ASCC3: variants seen among roughly 807,000 people sequenced by gnomAD.
The protein encoded by ASCC3 is activating signal cointegrator 1 complex subunit 3.
A neutral mutation model predicts 256.3 loss-of-function variants in ASCC3; 158 were observed. That is an observed-to-expected ratio of 0.62 (90% CI 0.54 to 0.70). The LOEUF (loss-of-function observed/expected upper bound fraction) is 0.70. ASCC3 is among the 30% of genes least tolerant of loss of function. The pLI is 0.00. For missense variants in ASCC3, 2,259 were observed against 2,626.0 expected (o/e 0.86, Z 3.05); for synonymous variants, 948 against 883.4 (o/e 1.07, Z -1.30).
chr6:100,669,210 T>G (rs114861821), intron 14 of ASCC3, among the ~76,000 whole-genome samples: 2 of 149,880 alleles, frequency 1.3e-5, no homozygotes, highest in African/African-American at 4.8e-5. Flanking sequence ...TTATATTACA[T>G]ATTTTCTAAA....
rs575392085 is a variant in ASCC3, at chr6:100,638,855, T to C, written c.3902-34A>G. The C allele has an allele frequency of 5.9e-6, 9 of 1,518,084 alleles. No individual in the cohort carries two copies. In the African/African-American group the frequency reaches 6.8e-5, roughly 12 times the overall value. The allele number at this position is 1,518,084 out of a possible 1,614,324, so 94.0% of individuals were successfully genotyped here. A position where few individuals can be genotyped will look rare whatever the true frequency, so the allele number is the denominator to read the frequency against. ...ACCCAACAGGATGGCTATACGACAA[T>C]TGAAAAACACGCATAATACTGAATA... On this transcript the variant is annotated intron_variant, in intron 24 of 41. Transcript: ENST00000369162.
At chr6:100,790,582 G>A (rs912023199) in intron 8 of ASCC3, among the ~76,000 whole-genome samples, 3 of 151,844 alleles carry the variant, frequency 2.0e-5, no homozygotes, top group African/African-American at 7.2e-5. Flanking sequence ...TGAAAGACAT[G>A]GACTAAATCC....
Position 100,642,625 on chromosome 6 carries a change from T to C in ASCC3, c.3857A>G (p.Asn1286Ser), listed in dbSNP as rs764453073. ...CTCTGGTAGAATTAGATGTTGAAAG[T>C]TGATAATACATACTGCCTCAGCACC... ...WLGAEAVCII[N>S]FQHLILPERH... Residue 1286 changes from asparagine (N) to serine (S), a missense_variant, in exon 24 of 42, where the codon AAC (asparagine) becomes AGC (serine). Coordinates refer to ENST00000369162, the MANE Select transcript of ASCC3 (RefSeq NM_006828.4). 2 of 1,613,970 alleles carry C rather than the reference T, an allele frequency of 1.2e-6. No homozygotes were observed. The highest frequency in any genetic ancestry group is 1.7e-6 in the Non-Finnish European group (2 of 1,179,908).
At position 100,701,782 on chromosome 6, in the gene ASCC3, C is replaced by A. The variant is rs547624695; in HGVS notation, c.2151+13680G>T. On this transcript the variant is annotated intron_variant, in intron 13 of 41. Coordinates refer to ENST00000369162, the MANE Select transcript of ASCC3 (RefSeq NM_006828.4). ...CAGGGATGTTTAAAAAAAAGGGTTT[C>A]TCTGAGAAAGATGAAGTCTGAAGAA... Among the ~76,000 whole-genome samples, 6 of 152,128 alleles carry A rather than the reference C, an allele frequency of 3.9e-5. No individual in the cohort carries two copies. In the South Asian group the frequency reaches 1.2e-3, roughly 32 times the overall value.
intron 30 of ASCC3, among the ~76,000 whole-genome samples, chr6:100,608,087 TATCTATATAC>T (rs1773018704): frequency 7.7e-6 from 1 of 130,296 alleles, no homozygotes; most frequent in Admixed American, 8.3e-5. Context: ...TATGTATATA[TATCTATATAC>T]ACATATATAT....
intron 1 of ASCC3, among the ~76,000 whole-genome samples, chr6:100,878,026 T>C (rs886805543): frequency 1.3e-5 from 2 of 152,184 alleles, no homozygotes; most frequent in Non-Finnish European, 2.9e-5. Context: ...GACAGCATGT[T>C]ATGCCAACTT....
At chr6:100,695,638 C>T (rs950375585) in intron 13 of ASCC3, among the ~76,000 whole-genome samples, 4 of 152,198 alleles carry the variant, frequency 2.6e-5, no homozygotes, top group African/African-American at 9.6e-5. Flanking sequence ...ATAGGCCTTC[C>T]TTTCCTTCCT....
intron 10 of ASCC3, among the ~76,000 whole-genome samples, chr6:100,755,377 C>CT (rs1005189106): frequency 3.6e-5 from 5 of 137,134 alleles, no homozygotes; most frequent in African/African-American, 5.3e-5. Context: ...TTTTTTTTTT[C>CT]TTTTTTTGAG....
intron 4 of ASCC3, among the ~76,000 whole-genome samples, 169 bp from the exon 5 acceptor site, chr6:100,806,049 C>A (rs1166801365): frequency 6.6e-6 from 1 of 151,804 alleles, no homozygotes; most frequent in Non-Finnish European, 1.5e-5. Flanking sequence ...TTCACATTGC[C>A]AAGAAGCTTT....
intron 4 of ASCC3, among the ~76,000 whole-genome samples, chr6:100,831,168 T>C (rs946893217): frequency 1.3e-5 from 2 of 151,988 alleles, no homozygotes; most frequent in African/African-American, 2.4e-5. Flanking sequence ...CAATAAAATA[T>C]ATTTTACTTT....
chr6:100,611,925 A>G (rs1230897363), intron 30 of ASCC3, among the ~76,000 whole-genome samples: 1 of 151,836 alleles, frequency 6.6e-6, no homozygotes, highest in Non-Finnish European at 1.5e-5. Flanking sequence ...TCCATAGTTC[A>G]TTTTTGTTCA....
chr6:100,620,502 A>G (rs1304391582), intron 30 of ASCC3, among the ~76,000 whole-genome samples: 1 of 151,894 alleles, frequency 6.6e-6, no homozygotes, highest in South Asian at 2.1e-4. Flanking sequence ...GAACACATAT[A>G]CTCTTCTTAG....
chr6:100,733,160 G>C (rs1389332362), intron 10 of ASCC3, among the ~76,000 whole-genome samples: 1 of 152,126 alleles, frequency 6.6e-6, no homozygotes, highest in Non-Finnish European at 1.5e-5. Flanking sequence ...CTGGCACATA[G>C]CTTCAAATAG....
At chr6:100,798,388 T>C (rs928466927) in intron 8 of ASCC3, among the ~76,000 whole-genome samples, 3 of 152,062 alleles carry the variant, frequency 2.0e-5, no homozygotes, top group African/African-American at 4.8e-5. Flanking sequence ...TATAGGTTGA[T>C]CATTTGATAT....
chr6:100,533,818 TA>T (rs1224173738), intron 37 of ASCC3, among the ~76,000 whole-genome samples: 7 of 152,372 alleles, frequency 4.6e-5, no homozygotes, highest in Non-Finnish European at 1.5e-5. Flanking sequence ...AAATGAAGAT[TA>T]TTTTTTAATT....
At chr6:100,746,598 C>G in intron 10 of ASCC3, among the ~76,000 whole-genome samples, 1 of 152,160 alleles carries the variant, frequency 6.6e-6, no homozygotes, top group South Asian at 2.1e-4. Flanking sequence ...CAGCTAGAAG[C>G]CTCACTATTT....
intron 36 of ASCC3, among the ~76,000 whole-genome samples, chr6:100,577,623 G>C (rs1373884705): frequency 6.6e-5 from 10 of 151,988 alleles, no homozygotes; most frequent in Non-Finnish European, 1.5e-4. Context: ...GTCATCCTTA[G>C]AGCATCACAC....
chr6:100,650,568 G>A lies in ASCC3; in HGVS notation c.3222C>T (p.Ser1074=). The A allele has an allele frequency of 6.2e-7, 1 of 1,612,542 alleles. No individual in the cohort carries two copies. Among genetic ancestry groups the A allele is most frequent in the Non-Finnish European group, 8.5e-7 (1 of 1,179,012 alleles). Residue 1074 remains serine, a synonymous_variant, in exon 20 of 42, where the codon TCC becomes TCT. Coordinates refer to ENST00000369162, the MANE Select transcript of ASCC3 (RefSeq NM_006828.4). The part of the protein sequence containing the change: ...YISRGEMDSF[S]LISDSAYVAQ... ...CAACATATGCAGAATCTGATATAAG[G>A]GAGAAACTGTCCATTTCTCCTCGGC...
At chr6:100,817,231 A>T (rs1770796371) in intron 4 of ASCC3, among the ~76,000 whole-genome samples, 1 of 152,040 alleles carries the variant, frequency 6.6e-6, no homozygotes, top group Admixed American at 6.6e-5. Flanking sequence ...ATGTGAGATG[A>T]ATGAAAATAA....
Sources: allele counts gnomAD v4.1 joint callset (sites outside exome capture counted in the v4.1 genomes callset), GRCh38; gene constraint gnomAD v4.1.1; transcripts MANE v1.5; gene names NCBI Gene and HGNC (gene_info 2026-07-23, HGNC 2026-07-21).